Variants in UNC13B observed in about 807,000 individuals in gnomAD.
UNC13B encodes the protein protein unc-13 homolog B.
Under a neutral mutation model 211.0 loss-of-function variants are expected in UNC13B, and 144 were observed. That is an observed-to-expected ratio of 0.68 (90% confidence interval 0.60 to 0.78). The LOEUF (loss-of-function observed/expected upper bound fraction) is 0.78. Among genes scored for constraint, UNC13B ranks in the 30% least tolerant of loss-of-function variants. The probability of loss-of-function intolerance (pLI) is 0.00; values close to 1 mark genes in which losing one functional copy is unlikely to be tolerated. For synonymous variants in UNC13B, 709 were observed against 725.8 expected (o/e 0.98, Z 0.37); for missense variants, 1,777 against 2,002.0 (o/e 0.89, Z 2.14).
chr9:35,254,622 C>T (rs936665658), intron 6 of UNC13B, among the ~76,000 whole-genome samples: 1 of 151,400 alleles, frequency 6.6e-6, no homozygotes, highest in Non-Finnish European at 1.5e-5. Context: ...GATTTTTTTC[C>T]CTAATTGTTG....
rs894802359 is a variant in UNC13B, at chr9:35,342,308, T to A, written c.9415-24639T>A. The A allele has an allele frequency of 4.3e-5, 42 of 985,752 alleles. No individual in the cohort carries two copies. In the Admixed American group the frequency reaches 4.3e-4, roughly 10 times the overall value. 61.1% of individuals were successfully genotyped at this position (985,752 alleles called of 1,614,324 possible). On this transcript the variant is annotated intron_variant, in intron 11 of 39. Coordinates refer to ENST00000635942, the MANE Select transcript of UNC13B (RefSeq NM_001371189.2). Reference sequence around the variant, plus strand: ...AATTCATGGTTTTAATTTTTTTTTTTAATTTCCTTAACCCTTATTTTGGTT... The same window carrying A: ...AATTCATGGTTTTAATTTTTTTTTTAAATTTCCTTAACCCTTATTTTGGTT...
At chr9:35,322,688 C>G (rs1293952333) in intron 11 of UNC13B, among the ~76,000 whole-genome samples, 2 of 152,056 alleles carry the variant, frequency 1.3e-5, no homozygotes, top group Non-Finnish European at 2.9e-5. Flanking sequence ...ATAATTGAAG[C>G]CTCAAAAATG....
intron 7 of UNC13B, among the ~76,000 whole-genome samples, chr9:35,264,208 A>G (rs1827443078): frequency 6.6e-6 from 1 of 152,180 alleles, no homozygotes; most frequent in Admixed American, 6.5e-5. Flanking sequence ...AAAAGAGGAG[A>G]GCTACAGAGA....
At position 35,398,535 on chromosome 9, in the gene UNC13B, T is replaced by A; in HGVS notation, c.11833-19T>A. 6.2e-7 allele frequency: 1 copy of A among 1,612,950 alleles called. No homozygotes were observed. Among genetic ancestry groups the A allele is most frequent in the Non-Finnish European group, 8.5e-7 (1 of 1,179,298 alleles). On this transcript the variant is annotated intron_variant, in intron 31 of 39. Coordinates refer to ENST00000635942, the MANE Select transcript of UNC13B (RefSeq NM_001371189.2). ...GGTAAGAAAAGCAGCCTAGCCAGGCTTACCTCCTGTGAATACAGCTGGACC... is the reference window on the plus strand; with the variant it reads ...GGTAAGAAAAGCAGCCTAGCCAGGCATACCTCCTGTGAATACAGCTGGACC...
intron 11 of UNC13B, among the ~76,000 whole-genome samples, chr9:35,324,310 CAG>C (rs2131927281): frequency 6.6e-6 from 1 of 152,282 alleles, no homozygotes; most frequent in East Asian, 1.9e-4. Flanking sequence ...TTGGGAAACA[CAG>C]AATTCAACAG....
At chr9:35,279,491 T>C (rs1303113417) in intron 7 of UNC13B, among the ~76,000 whole-genome samples, 1 of 152,192 alleles carries the variant, frequency 6.6e-6, no homozygotes, top group Non-Finnish European at 1.5e-5. Context: ...TTGTGAATAG[T>C]GCTGCTATGA....
intron 8 of UNC13B, among the ~76,000 whole-genome samples, chr9:35,297,403 T>G (rs1389468947): frequency 6.6e-6 from 1 of 151,828 alleles, no homozygotes; most frequent in Non-Finnish European, 1.5e-5. Context: ...ATTTTTTTTT[T>G]GAAGAGTGCA....
intron 1 of UNC13B, among the ~76,000 whole-genome samples, chr9:35,195,326 A>G (rs998274991): frequency 1.3e-5 from 2 of 152,150 alleles, no homozygotes; most frequent in Non-Finnish European, 2.9e-5. Flanking sequence ...TGCCTAAGTG[A>G]GTTCTTCTTA....
intron 7 of UNC13B, among the ~76,000 whole-genome samples, chr9:35,284,676 G>A (rs530708254): frequency 1.4e-4 from 21 of 152,202 alleles, no homozygotes; most frequent in African/African-American, 3.9e-4. Flanking sequence ...ACTGTCTTCC[G>A]TAGAAAGAGA....
chr9:35,358,162 C>T (rs973879207), intron 11 of UNC13B, among the ~76,000 whole-genome samples: 3 of 152,224 alleles, frequency 2.0e-5, no homozygotes, highest in Non-Finnish European at 4.4e-5. Flanking sequence ...AAGGCTGCAT[C>T]GTATTCCATT....
At chr9:35,177,517 C>A (rs1249654147) in intron 1 of UNC13B, among the ~76,000 whole-genome samples, 1 of 152,140 alleles carries the variant, frequency 6.6e-6, no homozygotes, top group South Asian at 2.1e-4. Flanking sequence ...CCCCATGTAC[C>A]TTCATAAAGT....
intron 24 of UNC13B, among the ~76,000 whole-genome samples, chr9:35,387,428 T>A (rs1472923082): frequency 6.6e-6 from 1 of 152,224 alleles, no homozygotes; most frequent in Non-Finnish European, 1.5e-5. Flanking sequence ...AGCCATGTAT[T>A]TAAGGCTTCT....
chr9:35,367,198 G>A lies in UNC13B; in HGVS notation c.9461+205G>A, dbSNP rs529530134. Reference sequence around the variant, plus strand: ...TGGAGGCAGAAGAGGGAACTTTGCAGAATGGTTACCCTGGTGCAGGGGAGG... The same window carrying A: ...TGGAGGCAGAAGAGGGAACTTTGCAAAATGGTTACCCTGGTGCAGGGGAGG... On this transcript the variant is annotated intron_variant, in intron 12 of 39. Coordinates refer to ENST00000635942, the MANE Select transcript of UNC13B (RefSeq NM_001371189.2). Among the ~76,000 whole-genome samples, 54 of 152,292 alleles carry A rather than the reference G, an allele frequency of 3.5e-4. 1 individual carries two copies. Among genetic ancestry groups the A allele is most frequent in the African/African-American group, 1.2e-3 (49 of 41,562 alleles).
intron 1 of UNC13B, among the ~76,000 whole-genome samples, chr9:35,222,122 T>C (rs1824599261): frequency 1.3e-5 from 2 of 152,160 alleles, no homozygotes; most frequent in Non-Finnish European, 2.9e-5. Flanking sequence ...CCCCAAAATG[T>C]TTTTTGGCTC....
intron 12 of UNC13B, among the ~76,000 whole-genome samples, chr9:35,369,408 G>T (rs567353401): frequency 6.6e-6 from 1 of 152,306 alleles, no homozygotes; most frequent in East Asian, 1.9e-4. Flanking sequence ...AGTGAAGAAG[G>T]AATTTTGGGA....
chr9:35,179,291 A>G (rs1035774639), intron 1 of UNC13B, among the ~76,000 whole-genome samples: 2 of 152,174 alleles, frequency 1.3e-5, no homozygotes, highest in Non-Finnish European at 2.9e-5. Flanking sequence ...CGTGGACAGC[A>G]TTATAGCAGG....
intron 11 of UNC13B, among the ~76,000 whole-genome samples, chr9:35,349,167 C>T (rs1287551504): frequency 2.6e-5 from 4 of 152,074 alleles, no homozygotes; most frequent in South Asian, 2.1e-4. Context: ...CTGCCTGCCT[C>T]GGCCTCCCAA....
rs1442971559 is a variant in UNC13B at position 35,400,351 on chromosome 9, C to T, written c.12392C>T (p.Pro4131Leu). The T allele has an allele frequency of 1.4e-5, 22 of 1,614,034 alleles. No homozygotes were observed. Among genetic ancestry groups the T allele is most frequent in the Non-Finnish European group, 1.7e-5 (20 of 1,180,020 alleles). Residue 4131 changes from proline (P) to leucine (L), a missense_variant, in exon 37 of 40, where the codon CCA (proline) becomes CTA (leucine). Physicochemically the swap from Pro to Leu is moderately conservative, Grantham distance 98. Transcript: ENST00000635942. ...AAGAAAACCTTCCTGGAGAAGAGCC[C>T]AGATCTGCAGTCTCTACGCTATGCC... Reference protein sequence around the residue: ...GLKKTFLEKSPDLQSLRYALS... With the variant: ...GLKKTFLEKSLDLQSLRYALS...
Position 35,400,337 on chromosome 9 carries a change from C to T in UNC13B, c.12378C>T (p.Phe4126=). 6.2e-7 allele frequency: 1 copy of T among 1,614,156 alleles called. No homozygotes were observed. The highest frequency in any genetic ancestry group is 1.7e-5 in the Admixed American group (1 of 60,020). ...GAGGCAATGGGCTGAAGAAAACCTTCCTGGAGAAGAGCCCAGATCTGCAGT... is the reference window on the plus strand; with the variant it reads ...GAGGCAATGGGCTGAAGAAAACCTTTCTGGAGAAGAGCCCAGATCTGCAGT... ...HAGGNGLKKT[F]LEKSPDLQSL... Residue 4126 remains phenylalanine (F), a synonymous_variant, in exon 37 of 40, where the codon TTC becomes TTT. Transcript: ENST00000635942.
Sources: allele counts gnomAD v4.1 joint callset (sites outside exome capture counted in the v4.1 genomes callset), GRCh38; gene constraint gnomAD v4.1.1; transcripts MANE v1.5; gene names NCBI Gene and HGNC (gene_info 2026-07-23, HGNC 2026-07-21).